The following DEF8 variants were observed in gnomAD, a reference collection of about 807,000 sequenced individuals.
The protein encoded by DEF8 is differentially expressed in FDCP 8 homolog, also known as DEF-8.
DEF8 carries 38 observed loss-of-function variants against 59.1 expected under a neutral mutation model. The ratio of observed to expected loss-of-function variants is 0.64; its 90% confidence interval spans 0.50 to 0.84. The LOEUF is 0.84. Ranked by LOEUF, DEF8 falls within the 40% of genes least tolerant of loss-of-function variation. The pLI, the probability that DEF8 is intolerant of heterozygous loss-of-function variation, is 0.00. For missense variants in DEF8, 557 were observed against 615.2 expected (o/e 0.91, Z 1.00); for synonymous variants, 265 against 250.1 (o/e 1.06, Z -0.56).
rs778849246 is a variant in DEF8 at position 89,964,487 on chromosome 16, G to A, written c.1165G>A (p.Val389Met). 22 of 1,596,624 alleles carry A rather than the reference G, an allele frequency of 1.4e-5. No individual in the cohort carries two copies. In the South Asian group the frequency reaches 1.6e-4, roughly 12 times the overall value. Reference sequence around the variant, plus strand: ...CCAGCGGTGCCAGGCCAAGGGCTTCGTGTGTGAGCTCTGCAGAGAGGGCGA... The same window carrying A: ...CCAGCGGTGCCAGGCCAAGGGCTTCATGTGTGAGCTCTGCAGAGAGGGCGA... ...DCERCQAKGF[V>M]CELCREGDVL... Residue 389 changes from valine (V) to methionine (M), a missense_variant, in exon 12 of 13, where the codon GTG becomes ATG. Val to Met is a conservative substitution (Grantham distance 21). Coordinates refer to ENST00000563594, the MANE Select transcript of DEF8 (RefSeq NM_001242818.2).
intron 12 of DEF8, among the ~76,000 whole-genome samples, chr16:89,964,873 A>C (rs1404137871): frequency 6.6e-6 from 1 of 152,186 alleles, no homozygotes; most frequent in Non-Finnish European, 1.5e-5. Flanking sequence ...TGATGTGTTC[A>C]CAGCATCCCA....
chr16:89,962,156 G>C, intron 9 of DEF8, 31 bp downstream of exon 9: 1 of 1,587,246 alleles, frequency 6.3e-7, no homozygotes, highest in Non-Finnish European at 8.6e-7. Context: ...GTGGGGGGCG[G>C]GGGCGCTGTG....
chr16:89,949,236 G>A (rs889260713), intron 1 of DEF8, among the ~76,000 whole-genome samples, 181 bp from the exon 2 acceptor site: 1 of 151,906 alleles, frequency 6.6e-6, no homozygotes, highest in Non-Finnish European at 1.5e-5. Context: ...CGGAGCACCC[G>A]GGCGGCTCAG....
chr16:89,965,995 G>A lies in DEF8; in HGVS notation c.*32G>A, dbSNP rs2034580415. The A allele has an allele frequency of 1.3e-6, 2 of 1,549,244 alleles. No homozygotes were observed. The highest frequency in any genetic ancestry group is 8.9e-7 in the Non-Finnish European group (1 of 1,127,482). ...GGAACAGTGCTGGGCACCCCGCCTGGCCCGCCAGGACCCACCCTGCCAACA... is the reference window on the plus strand; with the variant it reads ...GGAACAGTGCTGGGCACCCCGCCTGACCCGCCAGGACCCACCCTGCCAACA... On this transcript the variant is annotated 3_prime_UTR_variant, in exon 13 of 13. Transcript: ENST00000563594.
At chr16:89,958,561 C>T (rs1198001188) in intron 5 of DEF8, 1 of 172,040 alleles carries the variant, frequency 5.8e-6, no homozygotes, top group Non-Finnish European at 1.3e-5. Context: ...AAAAAAAACC[C>T]CAAAACATAG....
chr16:89,955,017 C>A, intron 3 of DEF8, 152 bp from the exon 4 acceptor site: 1 of 574,376 alleles, frequency 1.7e-6, no homozygotes, highest in Non-Finnish European at 3.1e-6. Context: ...GGACGGTGTG[C>A]AGATCTGAGT....
At position 89,964,594 on chromosome 16, in the gene DEF8, C is replaced by T. The variant is rs1567809754; in HGVS notation, c.1253+19C>T. 1 of 1,539,228 alleles carries T rather than the reference C, an allele frequency of 6.5e-7. No homozygotes were observed. The highest frequency in any genetic ancestry group is 1.9e-5 in the Admixed American group (1 of 51,282). The stretch of plus-strand genomic sequence containing the variant: ...TCCACAGGTGGGTGTGGCCTGGGCC[C>T]CGCACTCGGGGGCTGGGGCTCTGCG... On this transcript the variant is annotated intron_variant, in intron 12 of 12. Transcript: ENST00000563594.
intron 2 of DEF8, among the ~76,000 whole-genome samples, chr16:89,950,806 T>G (rs1248010958): frequency 6.6e-6 from 1 of 152,054 alleles, no homozygotes; most frequent in African/African-American, 2.4e-5. Context: ...AGAGTGAGAC[T>G]CCGTCTCTAC....
At chr16:89,963,249 C>A in intron 9 of DEF8, 114 bp from the exon 10 acceptor site, 1 of 804,392 alleles carries the variant, frequency 1.2e-6, no homozygotes, top group Non-Finnish European at 1.9e-6. Context: ...GATCTCGGCC[C>A]TTCGTGGGGA....
chr16:89,955,185 G>C lies in DEF8; in HGVS notation c.141G>C (p.Leu47=), dbSNP rs1567789604. 2 of 1,613,358 alleles carry C rather than the reference G, an allele frequency of 1.2e-6. No individual in the cohort carries two copies. The highest frequency in any genetic ancestry group is 2.2e-5 in the East Asian group (1 of 44,880). ...DVTPEEALPE[L]PPGEPEFRCP... is the part of the protein sequence containing the mutation. ...TTCCTCCAGAGGCCCTGCCTGAGCTGCCCCCTGGGGAGCCGGAATTCCGCT... is the reference window on the plus strand; with the variant it reads ...TTCCTCCAGAGGCCCTGCCTGAGCTCCCCCCTGGGGAGCCGGAATTCCGCT... Residue 47 remains leucine, a synonymous_variant, in exon 4 of 13, where the codon CTG becomes CTC. Transcript: ENST00000563594.
intron 9 of DEF8, 100 bp downstream of exon 9, chr16:89,962,225 T>A: frequency 9.0e-7 from 1 of 1,114,286 alleles, no homozygotes; most frequent in Non-Finnish European, 1.3e-6. Context: ...CGGGAGGTTC[T>A]GAGCAGAGGA....
Position 89,961,096 on chromosome 16 carries a change from G to C in DEF8, c.679+1G>C. ...GAGTGCCGGGCGCCCATCTCTCTGCGTGAGTGGTGGCAGGGAGAGAAGAGG... is the reference window on the plus strand; with the variant it reads ...GAGTGCCGGGCGCCCATCTCTCTGCCTGAGTGGTGGCAGGGAGAGAAGAGG... On this transcript the variant is annotated splice_donor_variant, in intron 7 of 12. Coordinates refer to ENST00000563594, the MANE Select transcript of DEF8 (RefSeq NM_001242818.2). LOFTEE classifies it high-confidence loss of function. 1.2e-6 allele frequency: 2 copies of C among 1,609,222 alleles called. No individual in the cohort carries two copies.
At chr16:89,952,557 GGAA>G (rs1316054897) in intron 2 of DEF8, 1 of 152,266 alleles carries the variant, frequency 6.6e-6, no homozygotes, top group African/African-American at 2.4e-5. Flanking sequence ...TCCTCATTCA[GGAA>G]GAAGGAGGAG....
Position 89,964,273 on chromosome 16 carries a change from A to G in DEF8, c.1106A>G (p.His369Arg). ...GRLGCSLTEI[H>R]TLFAKHIKLD... is the part of the protein sequence containing the mutation. ...CTGGGCTGCTCGCTCACCGAGATCC[A>G]CACGCTCTTCGCCAAGCACATCAAG... The change falls in exon 11 of 13, where the codon CAC (histidine) becomes CGC (arginine). Residue 369 changes from histidine to arginine, a missense_variant. Physicochemically the swap from His to Arg is conservative, Grantham distance 29 (BLOSUM62 0). Transcript: ENST00000563594. The G allele has an allele frequency of 4.4e-6, 7 of 1,606,194 alleles. No individual in the cohort carries two copies. Among genetic ancestry groups the G allele is most frequent in the Non-Finnish European group, 5.9e-6 (7 of 1,176,628 alleles).
At chr16:89,950,935 C>T (rs866803451) in intron 2 of DEF8, among the ~76,000 whole-genome samples, 4 of 152,102 alleles carry the variant, frequency 2.6e-5, no homozygotes, top group African/African-American at 4.8e-5. Flanking sequence ...GAGCTGTGAT[C>T]GCACCACTGC....
At chr16:89,950,636 G>A (rs565009357) in intron 2 of DEF8, among the ~76,000 whole-genome samples, 2 of 152,106 alleles carry the variant, frequency 1.3e-5, no homozygotes, top group South Asian at 2.1e-4. Flanking sequence ...TGATCCACCC[G>A]CCTCAGCCTC....
chr16:89,960,303 G>A (rs988844220), intron 6 of DEF8, among the ~76,000 whole-genome samples: 4 of 152,082 alleles, frequency 2.6e-5, no homozygotes, highest in Non-Finnish European at 4.4e-5. Context: ...GTGAGGAGTC[G>A]CTAAGGGCAG....
intron 2 of DEF8, among the ~76,000 whole-genome samples, chr16:89,950,780 G>C (rs1253553231): frequency 6.7e-6 from 1 of 148,176 alleles, no homozygotes; most frequent in Non-Finnish European, 1.5e-5. Context: ...AGGAGTTTGA[G>C]ACCAGCCTGG....
intron 12 of DEF8, among the ~76,000 whole-genome samples, chr16:89,965,506 G>A (rs1419158149): frequency 6.6e-6 from 1 of 152,176 alleles, no homozygotes; most frequent in African/African-American, 2.4e-5. Flanking sequence ...GGTGCCCCAG[G>A]GTGCCGTGAT....
Sources: gnomAD v4.1 joint callset for allele counts (sites outside exome capture counted in the v4.1 genomes callset) on GRCh38, gnomAD v4.1.1 for gene constraint, MANE v1.5 for transcripts, NCBI Gene and HGNC (gene_info 2026-07-23, HGNC 2026-07-21) for gene names.